Variants in KLRG2 observed in about 807,000 individuals in gnomAD.
The protein encoded by KLRG2 is killer cell lectin like receptor G2.
KLRG2 carries 39 observed loss-of-function variants against 35.4 expected under a neutral mutation model. The ratio of observed to expected loss-of-function variants is 1.10; its 90% CI spans 0.85 to 1.44. The LOEUF is 1.44. Ranked by LOEUF, KLRG2 falls within the 40% of genes most tolerant of loss-of-function variation. The pLI is 0.00. For synonymous variants in KLRG2, 283 were observed against 265.8 expected (o/e 1.06, Z -0.63); for missense variants, 632 against 570.9 (o/e 1.11, Z -1.09).
the KLRG2 span, among the ~76,000 whole-genome samples, chr7:139,444,401 C>A: frequency 6.6e-6 from 1 of 152,138 alleles, no homozygotes; most frequent in African/African-American, 2.4e-5. Flanking sequence ...AGGCTGGTCT[C>A]GAACCCCTGA....
At chr7:139,470,867 G>A (rs1796743531) in intron 3 of KLRG2, among the ~76,000 whole-genome samples, 1 of 150,626 alleles carries the variant, frequency 6.6e-6, no homozygotes, top group African/African-American at 2.4e-5. Flanking sequence ...ATTTGAGACA[G>A]AGTCTCACTC....
At chr7:139,427,125 A>C in the KLRG2 span, among the ~76,000 whole-genome samples, 1 of 152,058 alleles carries the variant, frequency 6.6e-6, no homozygotes, top group African/African-American at 2.4e-5. Flanking sequence ...TTTCTCCCTC[A>C]GGGGAGTTAG....
rs141222198 is a variant in KLRG2 at position 139,453,726 on chromosome 7, G to A, written c.1110-19C>T. The stretch of plus-strand genomic sequence containing the variant: ...AGGGAGTCTGGGAAAGGATGGGAGG[G>A]GAAAGAGGAGAGGTGTTTAGGGTGC... On this transcript the variant is annotated intron_variant, in intron 4 of 4. Transcript: ENST00000340940. The A allele has an allele frequency of 6.2e-7, 1 of 1,613,754 alleles. No individual in the cohort carries two copies. Among genetic ancestry groups the A allele is most frequent in the African/African-American group, 1.3e-5 (1 of 75,024 alleles).
chr7:139,451,194 T>C (rs1160701448), downstream of KLRG2, among the ~76,000 whole-genome samples: 1 of 152,142 alleles, frequency 6.6e-6, no homozygotes, highest in African/African-American at 2.4e-5. Context: ...GTTGCTAAGT[T>C]TGGGGACAAT....
the KLRG2 span, among the ~76,000 whole-genome samples, chr7:139,427,356 C>G: frequency 1.3e-5 from 2 of 152,156 alleles, no homozygotes; most frequent in African/African-American, 2.4e-5. Context: ...GGGATCAGAA[C>G]AAGCTAATGG....
intron 3 of KLRG2, among the ~76,000 whole-genome samples, chr7:139,468,132 C>T (rs1218488748): frequency 6.6e-6 from 1 of 151,994 alleles, no homozygotes; most frequent in Admixed American, 6.6e-5. Context: ...ATCTGCTGAC[C>T]TTCTCTCCAC....
rs774471371 is a variant in KLRG2 at position 139,483,318 on chromosome 7, C to A, written c.325G>T (p.Ala109Ser). ...CTGGGCGCAGGCTCAGCCCCGGGCG[C>A]CTCGCCATTCCGGGGCAGCTTGACC... Reference protein sequence around the residue: ...ALVKLPRNGEAPGAEPAPSAW... With the variant: ...ALVKLPRNGESPGAEPAPSAW... The change falls in exon 1 of 5, where the codon GCG becomes TCG. Residue 109 changes from alanine to serine, a missense_variant. Coordinates refer to ENST00000340940, the MANE Select transcript of KLRG2 (RefSeq NM_198508.4). The A allele has an allele frequency of 1.1e-5, 17 of 1,546,586 alleles. No homozygotes were observed. The highest frequency in any genetic ancestry group is 1.5e-5 in the Non-Finnish European group (17 of 1,157,222).
At position 139,473,852 on chromosome 7, in the gene KLRG2, A is replaced by G. The variant is rs112381713; in HGVS notation, c.1005+5775T>C. On this transcript the variant is annotated intron_variant, in intron 3 of 4. Coordinates refer to ENST00000340940, the MANE Select transcript of KLRG2 (RefSeq NM_198508.4). Reference sequence around the variant, plus strand: ...ATTTGAAAGGTCAAAACAGTTCTAAAAATTAGAAACAAGGCAGCAAAAATG... The same window carrying G: ...ATTTGAAAGGTCAAAACAGTTCTAAGAATTAGAAACAAGGCAGCAAAAATG... Among the ~76,000 whole-genome samples the G allele has an allele frequency of 4.5e-3, 686 of 152,304 alleles. 6 individuals are homozygous for G. The highest frequency in any genetic ancestry group is 0.015 in the African/African-American group (603 of 41,566).
At chr7:139,464,854 A>G (rs1426580302) in intron 3 of KLRG2, among the ~76,000 whole-genome samples, 1 of 152,218 alleles carries the variant, frequency 6.6e-6, no homozygotes, top group African/African-American at 2.4e-5. Context: ...AGTTCTCATA[A>G]CTTCCAAAAT....
chr7:139,461,443 A>T (rs1246179965), intron 3 of KLRG2, among the ~76,000 whole-genome samples: 1 of 152,206 alleles, frequency 6.6e-6, no homozygotes, highest in African/African-American at 2.4e-5. Context: ...TTCACATCAC[A>T]GGGCTGTTTG....
intron 3 of KLRG2, among the ~76,000 whole-genome samples, chr7:139,466,571 C>G (rs1796656561): frequency 1.3e-5 from 2 of 152,028 alleles, no homozygotes; most frequent in African/African-American, 4.8e-5. Flanking sequence ...CACTCTTACT[C>G]TTGTTCCCGT....
chr7:139,453,810 TG>T (rs2116421398), intron 4 of KLRG2, 103 bp from the exon 5 acceptor site: 1 of 1,376,234 alleles, frequency 7.3e-7, no homozygotes, highest in East Asian at 2.4e-5. Flanking sequence ...TCTACCGGCC[TG>T]GGCACTGAGT....
In KLRG2 at chr7:139,480,209, CCAGGGCCCAGTA is replaced by C. The variant is rs750863075; in HGVS notation, c.784_795del (p.Tyr262_Leu265del). Reference sequence around the variant, plus strand: ...ACTGCCAGGAGCACAGCCATGAACGCCAGGGCCCAGTACAGGGACTTCACGTACATGGGTAGC... The same window carrying C: ...ACTGCCAGGAGCACAGCCATGAACGCCAGGGACTTCACGTACATGGGTAGC... On this transcript the variant is annotated inframe_deletion, in exon 2 of 5. Coordinates refer to ENST00000340940, the MANE Select transcript of KLRG2 (RefSeq NM_198508.4). 1 of 1,613,612 alleles carries C rather than the reference CCAGGGCCCAGTA, an allele frequency of 6.2e-7. No homozygotes were observed. Among genetic ancestry groups the C allele is most frequent in the Admixed American group, 1.7e-5 (1 of 59,976 alleles).
chr7:139,431,629 G>C, the KLRG2 span, among the ~76,000 whole-genome samples: 1 of 152,186 alleles, frequency 6.6e-6, no homozygotes. Flanking sequence ...GCCTGAGTCA[G>C]AGCCCGGCCT....
At chr7:139,427,110 A>G in the KLRG2 span, among the ~76,000 whole-genome samples, 1 of 152,212 alleles carries the variant, frequency 6.6e-6, no homozygotes, top group Non-Finnish European at 1.5e-5. Context: ...TATTTGAAAA[A>G]GCATTTTCTC....
chr7:139,432,548 C>T, the KLRG2 span, among the ~76,000 whole-genome samples: 20 of 148,794 alleles, frequency 1.3e-4, no homozygotes, highest in South Asian at 2.0e-3. Context: ...TGCAGGACCC[C>T]CCCCCCCCAA....
the KLRG2 span, among the ~76,000 whole-genome samples, chr7:139,443,040 A>AT: frequency 8.6e-5 from 13 of 151,968 alleles, no homozygotes; most frequent in African/African-American, 2.9e-4. Flanking sequence ...TACTATATAC[A>AT]TTTAGTTAAT....
intron 3 of KLRG2, among the ~76,000 whole-genome samples, chr7:139,471,976 A>C (rs1224475453): frequency 6.6e-6 from 1 of 152,184 alleles, no homozygotes; most frequent in Non-Finnish European, 1.5e-5. Context: ...CAGGCCACAG[A>C]CTGTTTCGGA....
rs762874733 is a variant in KLRG2, at chr7:139,480,208, G to T, written c.797C>A (p.Ala266Glu). ...MYVKSLYWAL[A>E]FMAVLLAVSG... ...GACTGCCAGGAGCACAGCCATGAAC[G>T]CCAGGGCCCAGTACAGGGACTTCAC... The change falls in exon 2 of 5, where the codon GCG (alanine) becomes GAG (glutamate). Residue 266 changes from alanine (A) to glutamate (E), a missense_variant. Physicochemically the swap from Ala to Glu is moderately radical, Grantham distance 107. Transcript: ENST00000340940. The T allele has an allele frequency of 5.0e-6, 8 of 1,613,314 alleles. No homozygotes were observed. The Admixed American group carries it at 6.7e-5, about 13-fold the overall frequency.
Sources: allele counts gnomAD v4.1 joint callset (sites outside exome capture counted in the v4.1 genomes callset), GRCh38; gene constraint gnomAD v4.1.1; transcripts MANE v1.5; gene names NCBI Gene and HGNC (gene_info 2026-07-23, HGNC 2026-07-21).